ARMC2: variants seen among roughly 807,000 people sequenced by gnomAD.
ARMC2 encodes the protein armadillo repeat-containing protein 2.
Under a neutral mutation model 90.3 loss-of-function variants are expected in ARMC2, and 67 were observed. That is an observed-to-expected ratio of 0.74 (90% confidence interval 0.61 to 0.91). The LOEUF (loss-of-function observed/expected upper bound fraction) is 0.91, where lower values mean the gene tolerates loss of function less well. Ranked by LOEUF, ARMC2 falls within the 40% of genes least tolerant of loss-of-function variation. The pLI, the probability that ARMC2 is intolerant of heterozygous loss-of-function variation, is 0.00. For synonymous variants in ARMC2, 393 were observed against 393.0 expected (o/e 1.00, Z 0.00); for missense variants, 920 against 1,030.9 (o/e 0.89, Z 1.47).
chr6:108,966,354 A>C (rs1221354878), intron 17 of ARMC2, among the ~76,000 whole-genome samples: 1 of 152,078 alleles, frequency 6.6e-6, no homozygotes. Flanking sequence ...CATCTCCAAG[A>C]TGAGGATAAT....
At chr6:108,854,155 G>T (rs1774286283) in intron 1 of ARMC2, 70 bp from the exon 2 acceptor site, 1 of 750,724 alleles carries the variant, frequency 1.3e-6, no homozygotes, top group Non-Finnish European at 2.1e-6. Context: ...GTATATGGAT[G>T]GGCTTAAGCA....
In ARMC2 at chr6:108,886,018, C is replaced by T. The variant is rs537471589; in HGVS notation, c.672-8449C>T. Among the ~76,000 whole-genome samples, 64 of 152,316 alleles carry T rather than the reference C, an allele frequency of 4.2e-4. 1 individual carries two copies. Among genetic ancestry groups the T allele is most frequent in the African/African-American group, 1.4e-3 (58 of 41,560 alleles). ...GTGGCCACAAAGCCTAAAACATTTACTACCTGCCTTGATCCTACACAACTT... is the reference window on the plus strand; with the variant it reads ...GTGGCCACAAAGCCTAAAACATTTATTACCTGCCTTGATCCTACACAACTT... On this transcript the variant is annotated intron_variant, in intron 5 of 17. Transcript: ENST00000392644.
the ARMC2 span, among the ~76,000 whole-genome samples, chr6:109,016,790 C>T: frequency 6.6e-6 from 1 of 152,044 alleles, no homozygotes; most frequent in African/African-American, 2.4e-5. Flanking sequence ...ATGCTTTTTA[C>T]AGGAATTCAG....
intron 11 of ARMC2, among the ~76,000 whole-genome samples, chr6:108,933,777 AT>A (rs537554740): frequency 1.9e-4 from 29 of 152,280 alleles, no homozygotes; most frequent in African/African-American, 6.7e-4. Flanking sequence ...GCTTTTGCCC[AT>A]TTAGTATGAT....
chr6:109,053,013 A>G, the ARMC2 span, among the ~76,000 whole-genome samples: 4 of 152,226 alleles, frequency 2.6e-5, no homozygotes, highest in South Asian at 8.3e-4. Flanking sequence ...CATATACGTC[A>G]CTATTCAATA....
intron 3 of ARMC2, among the ~76,000 whole-genome samples, chr6:108,867,743 C>T (rs1316120878): frequency 6.6e-6 from 1 of 151,968 alleles, no homozygotes; most frequent in Non-Finnish European, 1.5e-5. Context: ...TGCACTCCAG[C>T]CTGGGCAACA....
chr6:108,958,162 G>A (rs1291167801), intron 13 of ARMC2, among the ~76,000 whole-genome samples: 1 of 152,116 alleles, frequency 6.6e-6, no homozygotes, highest in Non-Finnish European at 1.5e-5. Flanking sequence ...ACCTCATGCT[G>A]GAGTTAGGGC....
Position 108,854,318 on chromosome 6 carries a change from A to G in ARMC2, c.51A>G (p.Gln17=), listed in dbSNP as rs1774308817. ...TAGGAAAACTGGATCCATTTTATCA[A>G]CCTTCAGTGTCCAAGCAGAAGACCA... The part of the protein sequence containing the change: ...KMLGKLDPFY[Q]PSVSKQKTSA... Residue 17 remains glutamine (Q), a synonymous_variant, in exon 2 of 18, where the codon CAA becomes CAG. Coordinates refer to ENST00000392644, the MANE Select transcript of ARMC2 (RefSeq NM_032131.6). 1 of 1,612,642 alleles carries G rather than the reference A, an allele frequency of 6.2e-7. No individual in the cohort carries two copies. The highest frequency in any genetic ancestry group is 8.5e-7 in the Non-Finnish European group (1 of 1,179,534).
At chr6:108,877,608 A>C (rs1777065352) in intron 5 of ARMC2, among the ~76,000 whole-genome samples, 1 of 152,232 alleles carries the variant, frequency 6.6e-6, no homozygotes, top group African/African-American at 2.4e-5. Context: ...GCTTAAACAT[A>C]AAAGGCAGCA....
At chr6:108,884,268 G>A (rs533916335) in intron 5 of ARMC2, among the ~76,000 whole-genome samples, 4 of 152,214 alleles carry the variant, frequency 2.6e-5, no homozygotes, top group Admixed American at 2.6e-4. Context: ...ATGGTCCCTG[G>A]ACCAGCAGCA....
intron 4 of ARMC2, among the ~76,000 whole-genome samples, chr6:108,870,752 G>A (rs548399360): frequency 1.3e-5 from 2 of 152,114 alleles, no homozygotes; most frequent in Admixed American, 6.6e-5. Context: ...TTGATGTCCC[G>A]ATTTGTTTCC....
chr6:108,904,161 C>T (rs1170979092), intron 7 of ARMC2, 69 bp from the exon 8 acceptor site: 1 of 1,526,038 alleles, frequency 6.6e-7, no homozygotes, highest in African/African-American at 1.4e-5. Context: ...CTTACACTGT[C>T]TGTGTTTGAC....
At chr6:108,905,146 A>T (rs1187605044) in intron 8 of ARMC2, among the ~76,000 whole-genome samples, 1 of 152,232 alleles carries the variant, frequency 6.6e-6, no homozygotes, top group Non-Finnish European at 1.5e-5. Flanking sequence ...TTGGTTTCAT[A>T]CAAGTACAAG....
At position 108,973,550 on chromosome 6, in the gene ARMC2, G is replaced by T. The variant is rs202160744; in HGVS notation, c.*36G>T. On this transcript the variant is annotated 3_prime_UTR_variant, in exon 18 of 18. Coordinates refer to ENST00000392644, the MANE Select transcript of ARMC2 (RefSeq NM_032131.6). ...ATTAACAGTAGAAACGAGAACTCAC[G>T]TCTCCCTCATTCTTAAGAACTGGTA... 2 of 1,549,596 alleles carry T rather than the reference G, an allele frequency of 1.3e-6. No individual in the cohort carries two copies. Among genetic ancestry groups the T allele is most frequent in the Non-Finnish European group, 1.8e-6 (2 of 1,140,332 alleles).
At chr6:109,048,104 TAAA>T in the ARMC2 span, among the ~76,000 whole-genome samples, 78 of 146,858 alleles carry the variant, frequency 5.3e-4, 1 homozygote, top group Middle Eastern at 0.01. Context: ...AAAAATAAAT[TAAA>T]AAAAAAAAAA....
At chr6:108,947,872 A>T (rs954502160) in intron 12 of ARMC2, among the ~76,000 whole-genome samples, 16 of 151,844 alleles carry the variant, frequency 1.1e-4, no homozygotes, top group African/African-American at 3.6e-4. Flanking sequence ...TCAGTTTGCT[A>T]TTTCAAAATC....
At chr6:108,882,974 T>C (rs1186084224) in intron 5 of ARMC2, among the ~76,000 whole-genome samples, 1 of 152,240 alleles carries the variant, frequency 6.6e-6, no homozygotes, top group African/African-American at 2.4e-5. Context: ...AAATTTGATA[T>C]GGAATAATCC....
At chr6:108,914,096 A>G (rs1193269334) in intron 10 of ARMC2, among the ~76,000 whole-genome samples, 2 of 152,084 alleles carry the variant, frequency 1.3e-5, no homozygotes, top group African/African-American at 4.8e-5. Flanking sequence ...TTCCAACCCC[A>G]TCTTATACAT....
At chr6:108,908,316 C>T (rs1171225378) in intron 8 of ARMC2, among the ~76,000 whole-genome samples, 2 of 152,206 alleles carry the variant, frequency 1.3e-5, no homozygotes, top group Non-Finnish European at 2.9e-5. Context: ...GCCCCACAGG[C>T]AGTGCTCCCC....
Sources: allele counts gnomAD v4.1 joint callset (sites outside exome capture counted in the v4.1 genomes callset), GRCh38; gene constraint gnomAD v4.1.1; transcripts MANE v1.5; gene names NCBI Gene and HGNC (gene_info 2026-07-23, HGNC 2026-07-21).